Variants in STXBP6 observed in about 807,000 individuals in gnomAD.
STXBP6 encodes syntaxin-binding protein 6.
A neutral mutation model predicts 26.9 loss-of-function variants in STXBP6; 21 were observed. The ratio of observed to expected loss-of-function variants is 0.78; its 90% CI spans 0.55 to 1.12. The LOEUF (loss-of-function observed/expected upper bound fraction) is 1.12, where lower values mean the gene tolerates loss of function less well. Ranked by LOEUF, STXBP6 falls within the 50% of genes most tolerant of loss-of-function variation. The pLI is 0.00. For synonymous variants in STXBP6, 97 were observed against 92.6 expected (o/e 1.05, Z -0.27); for missense variants, 232 against 257.9 (o/e 0.90, Z 0.69).
At chr14:24,840,521 T>C (rs779332566) in intron 4 of STXBP6, among the ~76,000 whole-genome samples, 21 of 152,200 alleles carry the variant, frequency 1.4e-4, no homozygotes, top group Admixed American at 5.9e-4. Context: ...CTCCCAGAGC[T>C]TTCCTGGCTT....
chr14:24,953,134 C>T (rs955248902), intron 2 of STXBP6, among the ~76,000 whole-genome samples: 4 of 152,160 alleles, frequency 2.6e-5, no homozygotes, highest in African/African-American at 9.7e-5. Context: ...TGCCAACACT[C>T]CTTGACTCAT....
intron 2 of STXBP6, among the ~76,000 whole-genome samples, chr14:24,877,054 T>C (rs544835339): frequency 2.6e-5 from 4 of 152,320 alleles, no homozygotes; most frequent in Admixed American, 1.3e-4. Context: ...CTAATTGCAA[T>C]CAGTATTGCT....
intron 1 of STXBP6, among the ~76,000 whole-genome samples, chr14:25,017,113 A>G (rs1371652942): frequency 6.6e-6 from 1 of 152,192 alleles, no homozygotes; most frequent in African/African-American, 2.4e-5. Flanking sequence ...CTTAAGCACA[A>G]GCGTGTGTAA....
chr14:24,894,883 C>A (rs2070931131), intron 2 of STXBP6, among the ~76,000 whole-genome samples: 1 of 50,890 alleles, frequency 2.0e-5, no homozygotes, highest in Non-Finnish European at 5.4e-5. Flanking sequence ...CTCCTTATTT[C>A]TCTCTCTCTT....
At chr14:25,042,637 C>T (rs1296046075) in intron 1 of STXBP6, among the ~76,000 whole-genome samples, 2 of 152,200 alleles carry the variant, frequency 1.3e-5, no homozygotes, top group Non-Finnish European at 2.9e-5. Flanking sequence ...TGTCCCATTC[C>T]GAAGCCATCT....
chr14:24,998,999 G>A (rs950191143), intron 1 of STXBP6, among the ~76,000 whole-genome samples: 5 of 151,942 alleles, frequency 3.3e-5, no homozygotes, highest in Admixed American at 1.3e-4. Context: ...TTCAAGTTAC[G>A]TATTATATAC....
chr14:24,972,118 A>C (rs1445434171), intron 2 of STXBP6, among the ~76,000 whole-genome samples: 1 of 152,122 alleles, frequency 6.6e-6, no homozygotes, highest in East Asian at 1.9e-4. Context: ...CCCCATTTCC[A>C]CTACACTGTC....
At chr14:24,990,343 G>A (rs775120596) in intron 1 of STXBP6, among the ~76,000 whole-genome samples, 41 of 152,144 alleles carry the variant, frequency 2.7e-4, no homozygotes, top group Middle Eastern at 3.2e-3. Flanking sequence ...AATCAATCCA[G>A]CTACAATATG....
chr14:24,855,421 C>T (rs2069293800), intron 4 of STXBP6, among the ~76,000 whole-genome samples: 1 of 152,046 alleles, frequency 6.6e-6, no homozygotes, highest in Non-Finnish European at 1.5e-5. Flanking sequence ...GGCACTCACC[C>T]CTTTACAGTG....
At chr14:24,922,721 T>C (rs1284633222) in intron 2 of STXBP6, among the ~76,000 whole-genome samples, 1 of 152,058 alleles carries the variant, frequency 6.6e-6, no homozygotes, top group Non-Finnish European at 1.5e-5. Flanking sequence ...TCATTCCACC[T>C]TATGCAGACA....
At position 25,024,433 on chromosome 14, in the gene STXBP6, T is replaced by A. The variant is rs2075312722; in HGVS notation, c.-33+25445A>T. Among the ~76,000 whole-genome samples the A allele has an allele frequency of 2.0e-5, 3 of 152,166 alleles. No homozygotes were observed. The South Asian group carries it at 6.2e-4, about 32-fold the overall frequency. On this transcript the variant is annotated intron_variant, in intron 1 of 5. Transcript: ENST00000323944. ...TAAGGAACCAGAGGCTCAGAGGTTA[T>A]CCAAAGTTAAAGGTAGTAAGTTCAA...
intron 1 of STXBP6, among the ~76,000 whole-genome samples, chr14:24,991,028 GAGAC>G (rs763292842): frequency 6.6e-6 from 1 of 151,298 alleles, no homozygotes; most frequent in Non-Finnish European, 1.5e-5. Context: ...AAAGAGAAGA[GAGAC>G]AGAAGAGAGA....
intron 2 of STXBP6, among the ~76,000 whole-genome samples, chr14:24,864,955 G>A (rs1392251449): frequency 1.3e-5 from 2 of 152,076 alleles, no homozygotes; most frequent in African/African-American, 2.4e-5. Flanking sequence ...TACTGTGTTC[G>A]ACTGGGGAGT....
intron 4 of STXBP6, among the ~76,000 whole-genome samples, chr14:24,846,463 A>G (rs2068965342): frequency 6.6e-6 from 1 of 152,272 alleles, no homozygotes; most frequent in East Asian, 1.9e-4. Context: ...TTTGGCCACC[A>G]TAAGGTTTAT....
At chr14:24,997,397 T>C (rs186455817) in intron 1 of STXBP6, among the ~76,000 whole-genome samples, 1 of 152,352 alleles carries the variant, frequency 6.6e-6, no homozygotes, top group East Asian at 1.9e-4. Flanking sequence ...ACCTCTTCTA[T>C]GGCAGCTTTC....
chr14:24,984,496 C>A (rs895235434), intron 1 of STXBP6, among the ~76,000 whole-genome samples: 1 of 152,162 alleles, frequency 6.6e-6, no homozygotes, highest in Non-Finnish European at 1.5e-5. Context: ...CCCTTCAATG[C>A]CTCAATTTCC....
chr14:24,893,661 A>G (rs2070872485), intron 2 of STXBP6, among the ~76,000 whole-genome samples: 1 of 152,240 alleles, frequency 6.6e-6, no homozygotes, highest in South Asian at 2.1e-4. Flanking sequence ...CCTAACAAAT[A>G]AAAATTAGGG....
rs2067793924 is a variant in STXBP6, at chr14:24,810,675, A to T, written c.*2034T>A. On this transcript the variant is annotated 3_prime_UTR_variant, in exon 6 of 6. Coordinates refer to ENST00000323944, the MANE Select transcript of STXBP6 (RefSeq NM_001394410.1). The stretch of plus-strand genomic sequence containing the variant: ...AGGGAAGAAGAATCTTGGGTTTCAC[A>T]GTATGCTTATGACCTCATCCTCAGC... 1 of 152,242 alleles carries T rather than the reference A, an allele frequency of 6.6e-6. No individual in the cohort carries two copies. The highest frequency in any genetic ancestry group is 2.4e-5 in the African/African-American group (1 of 41,468). 9.4% of individuals were successfully genotyped at this position (152,242 alleles called of 1,614,324 possible).
chr14:25,025,276 A>G (rs2075330245), intron 1 of STXBP6, among the ~76,000 whole-genome samples: 1 of 152,132 alleles, frequency 6.6e-6, no homozygotes, highest in African/African-American at 2.4e-5. Context: ...ATAATGAGAT[A>G]TATATTAGGG....
Sources: gnomAD v4.1 joint callset for allele counts (sites outside exome capture counted in the v4.1 genomes callset) on GRCh38, gnomAD v4.1.1 for gene constraint, MANE v1.5 for transcripts, NCBI Gene and HGNC (gene_info 2026-07-23, HGNC 2026-07-21) for gene names.